The following SPTBN4 variants were observed in gnomAD, a reference collection of about 807,000 sequenced individuals.
The protein encoded by SPTBN4 is spectrin beta, non-erythrocytic 4.
A neutral mutation model predicts 277.8 loss-of-function variants in SPTBN4; 96 were observed. The observed-to-expected ratio is 0.35, with a 90% CI of 0.29 to 0.41. The LOEUF is 0.41. SPTBN4 is among the 10% of genes least tolerant of loss of function. The pLI is 1.00. For missense variants in SPTBN4, 3,006 were observed against 3,595.7 expected (o/e 0.84, Z 4.19); for synonymous variants, 1,481 against 1,580.3 (o/e 0.94, Z 1.49).
intron 20 of SPTBN4, among the ~76,000 whole-genome samples, chr19:40,545,769 T>A (rs1313017403): frequency 6.6e-6 from 1 of 151,370 alleles, no homozygotes; most frequent in Non-Finnish European, 1.5e-5. Flanking sequence ...TGGCCAGGCG[T>A]GGTGGCTCAC....
chr19:40,551,045 C>T (rs555099671), intron 22 of SPTBN4, among the ~76,000 whole-genome samples: 1 of 152,284 alleles, frequency 6.6e-6, no homozygotes, highest in African/African-American at 2.4e-5. Flanking sequence ...TCGGACTGCT[C>T]CTTGGGCTGG....
chr19:40,556,435 T>C (rs575815063), intron 25 of SPTBN4, 147 bp downstream of exon 25: 12 of 675,562 alleles, frequency 1.8e-5, no homozygotes, highest in Non-Finnish European at 2.7e-5. Context: ...CGTAAAGCAC[T>C]GAGGACCCTG....
chr19:40,555,257 C>T (rs1444420561), intron 24 of SPTBN4: 3 of 151,794 alleles, frequency 2.0e-5, no homozygotes, highest in East Asian at 3.9e-4. Flanking sequence ...GTGAGGCTGC[C>T]GAGGTGGGCG....
intron 2 of SPTBN4, among the ~76,000 whole-genome samples, chr19:40,486,371 CTTTT>C (rs540832411): frequency 7.1e-6 from 1 of 141,466 alleles, no homozygotes; most frequent in Admixed American, 7.2e-5. Context: ...GGTGCAGCAA[CTTTT>C]TTTTTTTTTT....
intron 27 of SPTBN4, among the ~76,000 whole-genome samples, chr19:40,561,236 C>T: frequency 6.6e-6 from 1 of 152,024 alleles, no homozygotes; most frequent in East Asian, 1.9e-4. Flanking sequence ...TGGTCTCAAA[C>T]TCCTGGCCTC....
At chr19:40,569,499 T>G (rs2081128961) in intron 31 of SPTBN4, among the ~76,000 whole-genome samples, 158 bp from the exon 32 acceptor site, 2 of 151,508 alleles carry the variant, frequency 1.3e-5, no homozygotes, top group Admixed American at 6.6e-5. Context: ...CCCAAACACC[T>G]GTGGTACCTA....
chr19:40,552,222 G>C (rs1441502365), intron 22 of SPTBN4, among the ~76,000 whole-genome samples: 1 of 152,060 alleles, frequency 6.6e-6, no homozygotes, highest in Admixed American at 6.6e-5. Context: ...TTGGGAGGCC[G>C]AGGCGAGTGG....
chr19:40,549,323 G>A lies in SPTBN4; in HGVS notation c.4494G>A (p.Val1498=), dbSNP rs1396066002. Residue 1498 remains valine, a synonymous_variant, in exon 21 of 36, where the codon GTG becomes GTA. Transcript: ENST00000598249. ...AGAACGCGGTGGGCGAGCGCCTGGT[G>A]CGCCTGCTCGAGCCGTTGCAGGAGC... is the stretch of plus-strand genomic sequence containing the variant. ...ERQNAVGERL[V]RLLEPLQERR... The A allele has an allele frequency of 1.0e-5, 16 of 1,538,436 alleles. No individual in the cohort carries two copies. The South Asian group carries it at 1.9e-4, about 18-fold the overall frequency.
chr19:40,505,747 G>A (rs951309425), intron 12 of SPTBN4, among the ~76,000 whole-genome samples: 1 of 149,632 alleles, frequency 6.7e-6, no homozygotes, highest in Non-Finnish European at 1.5e-5. Context: ...AGGAAGGAAG[G>A]AAGGAAGAAA....
chr19:40,570,954 A>T, intron 33 of SPTBN4: 3 of 485,898 alleles, frequency 6.2e-6, no homozygotes, highest in Non-Finnish European at 1.1e-5. Flanking sequence ...CCGTGGGGGT[A>T]GTAGGTGGGG....
At chr19:40,501,721 T>G (rs192720410) in intron 7 of SPTBN4, among the ~76,000 whole-genome samples, 200 bp from the exon 8 acceptor site, 2 of 152,200 alleles carry the variant, frequency 1.3e-5, no homozygotes, top group Admixed American at 1.3e-4. Context: ...CTGCGGTGGT[T>G]TATATGTGTC....
rs1342077475 is a variant in SPTBN4 at position 40,575,537 on chromosome 19, G to A, written c.7663G>A (p.Gly2555Arg). The A allele has an allele frequency of 1.2e-6, 2 of 1,612,528 alleles. No homozygotes were observed. The highest frequency in any genetic ancestry group is 2.2e-5 in the East Asian group (1 of 44,868). Residue 2555 changes from glycine (G) to arginine (R), a missense_variant, in exon 36 of 36, where the codon GGA becomes AGA. Physicochemically the swap from Gly to Arg is moderately radical, Grantham distance 125. Coordinates refer to ENST00000598249, the MANE Select transcript of SPTBN4 (RefSeq NM_020971.3). The part of the protein sequence containing the change: ...TDEGNPKREG[G>R]DRRASGRRK Reference sequence around the variant, plus strand: ...TGAGGGCAACCCTAAGAGGGAAGGCGGAGATCGCAGGGCCAGCGGGCGCAG... The same window carrying A: ...TGAGGGCAACCCTAAGAGGGAAGGCAGAGATCGCAGGGCCAGCGGGCGCAG...
In SPTBN4 at chr19:40,502,470, T is replaced by C; in HGVS notation, c.1166T>C (p.Val389Ala). 1.2e-6 allele frequency: 2 copies of C among 1,613,590 alleles called. No homozygotes were observed. Among genetic ancestry groups the C allele is most frequent in the Non-Finnish European group, 1.7e-6 (2 of 1,179,964 alleles). Residue 389 changes from valine to alanine, a missense_variant, in exon 10 of 36, where the codon GTG becomes GCG. Coordinates refer to ENST00000598249, the MANE Select transcript of SPTBN4 (RefSeq NM_020971.3). This position sits in a 1 kb window ranked among gnomAD's most constrained non-coding sequence, Gnocchi z 4.9. ...KLRACNRRLF[V>A]PREGCGIWDI... Reference sequence around the variant, plus strand: ...CGTGCCTGCAACCGTCGCCTCTTTGTGCCTCGGGAGGGCTGTGGCATCTGG... The same window carrying C: ...CGTGCCTGCAACCGTCGCCTCTTTGCGCCTCGGGAGGGCTGTGGCATCTGG...
intron 1 of SPTBN4, among the ~76,000 whole-genome samples, chr19:40,469,923 T>G (rs895675825): frequency 6.6e-6 from 1 of 150,940 alleles, no homozygotes; most frequent in Admixed American, 6.6e-5. Context: ...GGATTACAGG[T>G]GTGAGCCACT....
chr19:40,521,983 C>T (rs867317964), intron 16 of SPTBN4, among the ~76,000 whole-genome samples: 28 of 151,658 alleles, frequency 1.8e-4, no homozygotes, highest in African/African-American at 5.1e-4. Context: ...GAAAACTAAC[C>T]CCAGAGGGAA....
chr19:40,549,259 C>A lies in SPTBN4; in HGVS notation c.4430C>A (p.Pro1477Gln). ...GELQAQTAAL[P>Q]LEPASKELVG... ...CTGCAGGCGCAGACGGCGGCGCTGC[C>A]GCTGGAGCCGGCGAGCAAGGAGCTG... The change falls in exon 21 of 36, where the codon CCG (proline) becomes CAG (glutamine). Residue 1477 changes from proline to glutamine, a missense_variant. Around this residue, in one of 5 missense-constraint regions of SPTBN4, gnomAD observed 1,759 missense variants for 2,061.5 expected, o/e 0.85. Coordinates refer to ENST00000598249, the MANE Select transcript of SPTBN4 (RefSeq NM_020971.3). 1 of 1,546,294 alleles carries A rather than the reference C, an allele frequency of 6.5e-7. No homozygotes were observed. The highest frequency in any genetic ancestry group is 1.2e-5 in the South Asian group (1 of 83,938).
intron 15 of SPTBN4, among the ~76,000 whole-genome samples, chr19:40,518,872 G>A (rs1289597863): frequency 2.0e-5 from 3 of 152,220 alleles, no homozygotes; most frequent in South Asian, 4.2e-4. Context: ...TAGCCACTGC[G>A]TTCTAGCCTG....
chr19:40,488,616 C>T (rs1259492764), intron 3 of SPTBN4, among the ~76,000 whole-genome samples: 4 of 152,006 alleles, frequency 2.6e-5, no homozygotes, highest in African/African-American at 9.7e-5. Context: ...CATAATGAGA[C>T]CCCCGTCTCT....
Position 40,512,782 on chromosome 19 carries a change from C to A in SPTBN4, c.1993C>A (p.Arg665Ser). Residue 665 changes from arginine to serine, a missense_variant, in exon 14 of 36, where the codon CGT becomes AGT. By Grantham distance (110) the Arg-to-Ser change is moderately radical. This residue lies in a region of SPTBN4 where 1,759 missense variants were observed against 2,061.5 expected (regional missense o/e 0.85). Transcript: ENST00000598249. ...EAESWARDKE[R>S]LLEAAGGGGA... ...CGAGAGCTGGGCGCGCGACAAGGAG[C>A]GTCTCCTGGAGGCTGCGGGCGGCGG... 6.7e-7 allele frequency: 1 copy of A among 1,502,184 alleles called. No homozygotes were observed. Among genetic ancestry groups the A allele is most frequent in the Non-Finnish European group, 8.8e-7 (1 of 1,134,812 alleles). 93.1% of individuals were successfully genotyped at this position (1,502,184 alleles called of 1,614,324 possible).
Sources: gnomAD v4.1 joint callset for allele counts (sites outside exome capture counted in the v4.1 genomes callset) on GRCh38, gnomAD v4.1.1 for gene constraint, gnomAD v4.1.1 regional missense constraint, Gnocchi (gnomAD v3.1) non-coding constraint, MANE v1.5 for transcripts, NCBI Gene and HGNC (gene_info 2026-07-23, HGNC 2026-07-21) for gene names.